Variants in SH3PXD2B observed in about 807,000 individuals in gnomAD.
SH3PXD2B encodes SH3 and PX domain-containing protein 2B.
SH3PXD2B carries 37 observed loss-of-function variants against 73.1 expected under a neutral mutation model. That is an observed-to-expected ratio of 0.51 (90% CI 0.39 to 0.67). The LOEUF is 0.67. Among genes scored for constraint, SH3PXD2B ranks in the 30% least tolerant of loss-of-function variants. The pLI is 0.00. For synonymous variants in SH3PXD2B, 457 were observed against 480.5 expected (o/e 0.95, Z 0.64); for missense variants, 1,053 against 1,197.8 (o/e 0.88, Z 1.78).
chr5:172,354,031 T>C, intron 8 of SH3PXD2B, 26 bp from the exon 9 acceptor site: 1 of 1,602,328 alleles, frequency 6.2e-7, no homozygotes, highest in East Asian at 2.2e-5. Flanking sequence ...GAAGCTGGGG[T>C]CAGAAGAGGA....
Position 172,453,879 on chromosome 5 carries a change from G to A in SH3PXD2B, c.75+399C>T, listed in dbSNP as rs1554088808. Among the ~76,000 whole-genome samples the A allele has an allele frequency of 4.6e-5, 7 of 152,188 alleles. No homozygotes were observed. The South Asian group carries it at 8.3e-4, about 18-fold the overall frequency. ...GGTCTGCGCGCCTCTGGACAAGGAG[G>A]GGCAAGGCGGGCGGCCTGAGAACAG... is the stretch of plus-strand genomic sequence containing the variant. On this transcript the variant is annotated intron_variant, in intron 1 of 12. Coordinates refer to ENST00000311601, the MANE Select transcript of SH3PXD2B (RefSeq NM_001017995.3).
intron 5 of SH3PXD2B, among the ~76,000 whole-genome samples, chr5:172,374,174 C>G (rs566408542): frequency 6.6e-6 from 1 of 152,146 alleles, no homozygotes; most frequent in South Asian, 2.1e-4. Flanking sequence ...GTCCCTGCCC[C>G]ATTTCTTGGG....
rs150148433 is a variant in SH3PXD2B at position 172,442,940 on chromosome 5, C to T, written c.75+11338G>A. Among the ~76,000 whole-genome samples the T allele has an allele frequency of 7.8e-3, 1,188 of 152,302 alleles. 11 individuals are homozygous for T. Among genetic ancestry groups the T allele is most frequent in the East Asian group, 0.035 (182 of 5,184 alleles). On this transcript the variant is annotated intron_variant, in intron 1 of 12. Transcript: ENST00000311601. ...GGCTCCCAAGTTCCACCTCTTCCACCCAGAGGGGTCTTTCATCTTTTTTTG... is the reference window on the plus strand; with the variant it reads ...GGCTCCCAAGTTCCACCTCTTCCACTCAGAGGGGTCTTTCATCTTTTTTTG...
chr5:172,327,369 G>C (rs910992612), intron 12 of SH3PXD2B, among the ~76,000 whole-genome samples: 4 of 152,100 alleles, frequency 2.6e-5, no homozygotes. Context: ...CTCAAACCCA[G>C]GTCTAACCCT....
At chr5:172,439,238 G>GAAAAAAAAAAAAAAAAA (rs922645535) in intron 1 of SH3PXD2B, among the ~76,000 whole-genome samples, 7 of 33,228 alleles carry the variant, frequency 2.1e-4, no homozygotes, top group African/African-American at 8.7e-4. Flanking sequence ...AGAAAAAACA[G>GAAAAAAAAAAAAAAAAA]AAAAAAAAAA....
chr5:172,342,857 G>C (rs2113264992), intron 12 of SH3PXD2B, among the ~76,000 whole-genome samples: 1 of 152,300 alleles, frequency 6.6e-6, no homozygotes, highest in East Asian at 1.9e-4. Flanking sequence ...GGCCCTTCTG[G>C]GAGAGGGATG....
At chr5:172,378,705 C>T (rs1757874187) in intron 5 of SH3PXD2B, among the ~76,000 whole-genome samples, 1 of 152,208 alleles carries the variant, frequency 6.6e-6, no homozygotes, top group African/African-American at 2.4e-5. Flanking sequence ...GAGGTGTCAT[C>T]AGGCCCATCT....
chr5:172,375,874 GA>G (rs1757810363), intron 5 of SH3PXD2B, among the ~76,000 whole-genome samples: 1 of 152,158 alleles, frequency 6.6e-6, no homozygotes, highest in Non-Finnish European at 1.5e-5. Context: ...ATATACCTAA[GA>G]GGGGAATTGC....
intron 6 of SH3PXD2B, among the ~76,000 whole-genome samples, chr5:172,373,552 T>C (rs903952988): frequency 2.0e-5 from 3 of 151,692 alleles, no homozygotes; most frequent in African/African-American, 7.3e-5. Flanking sequence ...TTTTGGGAAA[T>C]GGGATGGGGT....
intron 1 of SH3PXD2B, among the ~76,000 whole-genome samples, chr5:172,447,380 T>A (rs1759693284): frequency 6.6e-6 from 1 of 152,216 alleles, no homozygotes; most frequent in African/African-American, 2.4e-5. Flanking sequence ...ATCTTGATGG[T>A]ATTCTAGCTC....
intron 1 of SH3PXD2B, among the ~76,000 whole-genome samples, chr5:172,430,345 G>A (rs1759206258): frequency 6.6e-6 from 1 of 152,152 alleles, no homozygotes; most frequent in African/African-American, 2.4e-5. Context: ...CTGTTCTCTG[G>A]GTCCCACAGG....
chr5:172,347,150 C>T (rs1254917559), intron 11 of SH3PXD2B, 133 bp downstream of exon 11: 1 of 899,882 alleles, frequency 1.1e-6, no homozygotes, highest in Non-Finnish European at 1.8e-6. Flanking sequence ...TTTCTACAGC[C>T]TGCTTCACAA....
At chr5:172,368,242 C>T (rs1390798777) in intron 6 of SH3PXD2B, among the ~76,000 whole-genome samples, 1 of 151,578 alleles carries the variant, frequency 6.6e-6, no homozygotes, top group African/African-American at 2.4e-5. Context: ...CCCTGCCTGC[C>T]TTGCACTGCC....
At chr5:172,406,988 C>T (rs1011715087) in intron 2 of SH3PXD2B, among the ~76,000 whole-genome samples, 3 of 152,144 alleles carry the variant, frequency 2.0e-5, no homozygotes, top group Non-Finnish European at 2.9e-5. Context: ...AAAACAAAAA[C>T]CTTTCATAGT....
chr5:172,347,437 T>C, intron 10 of SH3PXD2B, 105 bp from the exon 11 acceptor site: 1 of 1,165,566 alleles, frequency 8.6e-7, no homozygotes, highest in Non-Finnish European at 1.3e-6. Context: ...AACACAGGCG[T>C]CTGCATGCTG....
intron 1 of SH3PXD2B, among the ~76,000 whole-genome samples, chr5:172,447,968 C>T (rs1759710963): frequency 6.6e-6 from 1 of 152,228 alleles, no homozygotes; most frequent in Non-Finnish European, 1.5e-5. Context: ...ATGCCCTTTG[C>T]TTGCCACTCA....
Position 172,338,250 on chromosome 5 carries a change from G to A in SH3PXD2B, c.*119C>T. The A allele has an allele frequency of 3.8e-6, 6 of 1,581,048 alleles. No homozygotes were observed. The highest frequency in any genetic ancestry group is 5.1e-6 in the Non-Finnish European group (6 of 1,165,178). ...CACCCATGGGAGGCAAGAAGTCACA[G>A]TACCCCAGAGTCTGTCTGCCTTGGA... is the stretch of plus-strand genomic sequence containing the variant. On this transcript the variant is annotated 3_prime_UTR_variant, in exon 13 of 13. Transcript: ENST00000311601. This position sits in a 1 kb window ranked among gnomAD's most constrained non-coding sequence, Gnocchi z 5.1.
At chr5:172,424,637 C>T (rs74350710) in intron 1 of SH3PXD2B, among the ~76,000 whole-genome samples, 2,477 of 152,240 alleles carry the variant, frequency 0.016, 58 homozygotes, top group African/African-American at 0.055. Flanking sequence ...TTGAATGCCA[C>T]GCTAAGGAGT....
At chr5:172,424,695 C>T (rs1243118087) in intron 1 of SH3PXD2B, among the ~76,000 whole-genome samples, 2 of 152,324 alleles carry the variant, frequency 1.3e-5, no homozygotes, top group East Asian at 3.9e-4. Context: ...TATTTCAAAA[C>T]ATGGCAGAAA....
Sources: gnomAD v4.1 joint callset for allele counts (sites outside exome capture counted in the v4.1 genomes callset) on GRCh38, gnomAD v4.1.1 for gene constraint, Gnocchi (gnomAD v3.1) non-coding constraint, MANE v1.5 for transcripts, NCBI Gene and HGNC (gene_info 2026-07-23, HGNC 2026-07-21) for gene names.